The following PDE4B variants were observed in gnomAD, a reference collection of about 807,000 sequenced individuals.
The protein encoded by PDE4B is 3',5'-cyclic-AMP phosphodiesterase 4B.
A neutral mutation model predicts 82.2 loss-of-function variants in PDE4B; 20 were observed. That is an observed-to-expected ratio of 0.24 (90% CI 0.17 to 0.35). The LOEUF is 0.35. Among genes scored for constraint, PDE4B ranks in the 10% least tolerant of loss-of-function variants. The pLI, the probability that PDE4B is intolerant of heterozygous loss-of-function variation, is 1.00. For missense variants in PDE4B, 655 were observed against 907.2 expected (o/e 0.72, Z 3.57); for synonymous variants, 320 against 318.9 (o/e 1.00, Z -0.04).
At chr1:66,125,679 G>C (rs1342371429) in intron 3 of PDE4B, among the ~76,000 whole-genome samples, 1 of 152,136 alleles carries the variant, frequency 6.6e-6, no homozygotes, top group Admixed American at 6.6e-5. Flanking sequence ...AGAACCTATT[G>C]ATGACATTAA....
chr1:66,163,239 A>T (rs919758614), intron 3 of PDE4B, among the ~76,000 whole-genome samples: 2 of 152,200 alleles, frequency 1.3e-5, no homozygotes, highest in African/African-American at 4.8e-5. Context: ...GGTAGGTAGG[A>T]TTGCACAGGG....
chr1:65,894,512 T>G (rs191500560), intron 1 of PDE4B, among the ~76,000 whole-genome samples: 14 of 152,222 alleles, frequency 9.2e-5, no homozygotes, highest in African/African-American at 3.4e-4. Flanking sequence ...CCATATAAAA[T>G]TAATAAATTG....
At chr1:65,797,033 A>G (rs1645639367) in intron 1 of PDE4B, among the ~76,000 whole-genome samples, 1 of 151,398 alleles carries the variant, frequency 6.6e-6, no homozygotes, top group East Asian at 1.9e-4. Flanking sequence ...ACTCACTGCA[A>G]GCTCCACCTC....
chr1:66,261,569 G>A lies in PDE4B; in HGVS notation c.584+3706G>A, dbSNP rs528951654. Reference sequence around the variant, plus strand: ...CATCTGGTTAGTGTGGTTTATTGTAGGAAAAGGAACTCCCACATAGAACTA... The same window carrying A: ...CATCTGGTTAGTGTGGTTTATTGTAAGAAAAGGAACTCCCACATAGAACTA... On this transcript the variant is annotated intron_variant, in intron 6 of 16. Coordinates refer to ENST00000341517, the MANE Select transcript of PDE4B (RefSeq NM_002600.4). Among the ~76,000 whole-genome samples the A allele has an allele frequency of 5.3e-5, 8 of 152,200 alleles. No homozygotes were observed. In the South Asian group the frequency reaches 1.7e-3, roughly 32 times the overall value.
intron 1 of PDE4B, among the ~76,000 whole-genome samples, chr1:65,832,824 T>G (rs925982270): frequency 1.3e-5 from 2 of 152,198 alleles, no homozygotes; most frequent in African/African-American, 4.8e-5. Context: ...TTTTAAAAGA[T>G]CTGACTGAGT....
rs869201227 is a variant in PDE4B, at chr1:66,272,779, C to CTTTTTT, written c.634+6712_634+6717dup. On this transcript the variant is annotated intron_variant, in intron 7 of 16. Coordinates refer to ENST00000341517, the MANE Select transcript of PDE4B (RefSeq NM_002600.4). ...CAGCTTCCATTCTGGTACTAGAATT[C>CTTTTTT]TTTTTTTTTTTTTTTTTTTTTTTTT... Among the ~76,000 whole-genome samples, 64 of 61,662 alleles carry CTTTTTT rather than the reference C, an allele frequency of 1.0e-3. 1 individual carries two copies. Among genetic ancestry groups the CTTTTTT allele is most frequent in the Non-Finnish European group, 1.4e-3 (51 of 36,132 alleles). The allele number at this position is 61,662 out of a possible 152,430, so 40.5% of individuals were successfully genotyped here.
At chr1:66,164,535 CAAAAAAAAAAAAAAAAAAA>C (rs10718019) in intron 3 of PDE4B, among the ~76,000 whole-genome samples, 1 of 48,556 alleles carries the variant, frequency 2.1e-5, no homozygotes, top group African/African-American at 8.0e-5. Flanking sequence ...GACTCCGTCT[CAAAAAAAAAAAAAAAAAAA>C]AAAAAAAAGA....
At chr1:65,902,117 C>G (rs1047131149) in intron 1 of PDE4B, among the ~76,000 whole-genome samples, 1 of 151,830 alleles carries the variant, frequency 6.6e-6, no homozygotes, top group Non-Finnish European at 1.5e-5. Context: ...ATGGTATTGA[C>G]TTTTATTTTT....
At chr1:65,822,281 C>T (rs1645961516) in intron 1 of PDE4B, among the ~76,000 whole-genome samples, 1 of 152,188 alleles carries the variant, frequency 6.6e-6, no homozygotes, top group African/African-American at 2.4e-5. Flanking sequence ...TTAATCTTCT[C>T]TCCCGTGAAT....
intron 3 of PDE4B, among the ~76,000 whole-genome samples, chr1:66,101,023 T>C (rs1311736356): frequency 1.3e-5 from 2 of 152,098 alleles, no homozygotes; most frequent in Non-Finnish European, 2.9e-5. Flanking sequence ...GATGTTCCCC[T>C]TCCAGTGTCC....
At chr1:65,954,313 C>T (rs1378061976) in intron 3 of PDE4B, among the ~76,000 whole-genome samples, 4 of 152,036 alleles carry the variant, frequency 2.6e-5, no homozygotes, top group Non-Finnish European at 5.9e-5. Flanking sequence ...AACTAGGCCA[C>T]CATACTTGAA....
At chr1:65,969,384 AG>A (rs1650013741) in intron 3 of PDE4B, among the ~76,000 whole-genome samples, 1 of 152,180 alleles carries the variant, frequency 6.6e-6, no homozygotes, top group Non-Finnish European at 1.5e-5. Flanking sequence ...ACAGAGGGGC[AG>A]GAAGTACTAT....
Position 66,311,374 on chromosome 1 carries a change from A to C in PDE4B, c.635-21134A>C, listed in dbSNP as rs1020375197. ...AAATGTACTTTACAGATTTATACAA[A>C]TCATCATTGCTATGAGAAGACATGC... On this transcript the variant is annotated intron_variant, in intron 7 of 16. Coordinates refer to ENST00000341517, the MANE Select transcript of PDE4B (RefSeq NM_002600.4). Among the ~76,000 whole-genome samples, 3 of 152,244 alleles carry C rather than the reference A, an allele frequency of 2.0e-5. No individual in the cohort carries two copies. In the East Asian group the frequency reaches 5.8e-4, roughly 29 times the overall value.
At chr1:66,097,016 T>A (rs528651952) in intron 3 of PDE4B, among the ~76,000 whole-genome samples, 1 of 152,108 alleles carries the variant, frequency 6.6e-6, no homozygotes, top group East Asian at 1.9e-4. Flanking sequence ...TAATGGACAT[T>A]TGGGTTGTTT....
At chr1:66,332,646 A>G (rs1660211105) in intron 8 of PDE4B, 26 bp downstream of exon 8, 1 of 1,606,122 alleles carries the variant, frequency 6.2e-7, no homozygotes, top group Non-Finnish European at 8.5e-7. Flanking sequence ...TTTATTCATT[A>G]AAGTGTGATC....
chr1:66,095,098 A>G (rs561718042), intron 3 of PDE4B, among the ~76,000 whole-genome samples: 3 of 152,068 alleles, frequency 2.0e-5, no homozygotes, highest in East Asian at 3.9e-4. Context: ...CTTAATTACT[A>G]TTCTGTGCTA....
At chr1:65,879,373 T>C (rs1044045087) in intron 1 of PDE4B, among the ~76,000 whole-genome samples, 3 of 152,128 alleles carry the variant, frequency 2.0e-5, no homozygotes, top group Admixed American at 6.6e-5. Flanking sequence ...GTTTTAAAAA[T>C]GTTAAGCTCC....
At chr1:66,146,948 T>C (rs1646286627) in intron 3 of PDE4B, among the ~76,000 whole-genome samples, 1 of 152,196 alleles carries the variant, frequency 6.6e-6, no homozygotes, top group Non-Finnish European at 1.5e-5. Context: ...ATGAGCTGTA[T>C]GCAACTCTAG....
chr1:65,941,670 A>T (rs1648455357), intron 3 of PDE4B, among the ~76,000 whole-genome samples: 1 of 152,078 alleles, frequency 6.6e-6, no homozygotes, highest in East Asian at 1.9e-4. Flanking sequence ...TAATTTTAAG[A>T]ATTTGACACA....
Sources: allele counts gnomAD v4.1 joint callset (sites outside exome capture counted in the v4.1 genomes callset), GRCh38; gene constraint gnomAD v4.1.1; transcripts MANE v1.5; gene names NCBI Gene and HGNC (gene_info 2026-07-23, HGNC 2026-07-21).